Variants in CNTNAP4 observed in about 807,000 individuals in gnomAD.
CNTNAP4 encodes the protein contactin-associated protein-like 4.
Under a neutral mutation model 148.4 loss-of-function variants are expected in CNTNAP4, and 98 were observed. The ratio of observed to expected loss-of-function variants is 0.66; its 90% confidence interval spans 0.56 to 0.78. The LOEUF (loss-of-function observed/expected upper bound fraction) is 0.78, where lower values mean the gene tolerates loss of function less well. CNTNAP4 is among the 30% of genes least tolerant of loss of function. The pLI is 0.00. For missense variants in CNTNAP4, 1,935 were observed against 1,565.6 expected (o/e 1.24, Z -3.98); for synonymous variants, 730 against 565.1 (o/e 1.29, Z -4.14).
chr16:76,403,358 G>T (rs142846610), intron 3 of CNTNAP4, among the ~76,000 whole-genome samples: 6,293 of 152,152 alleles, frequency 0.041, 459 homozygotes, highest in African/African-American at 0.15. Context: ...CTCCCAAAGG[G>T]CTGGGATTAC....
chr16:76,323,648 T>C (rs143909373), intron 2 of CNTNAP4, among the ~76,000 whole-genome samples: 34 of 152,312 alleles, frequency 2.2e-4, no homozygotes, highest in Non-Finnish European at 4.1e-4. Flanking sequence ...GGTTCCCTCT[T>C]GGCTTTCGAT....
At chr16:76,415,962 CAA>C (rs2078965363) in intron 3 of CNTNAP4, among the ~76,000 whole-genome samples, 1 of 146,970 alleles carries the variant, frequency 6.8e-6, no homozygotes, top group East Asian at 2.0e-4. Flanking sequence ...TTATTTTTGT[CAA>C]TTATTCATTC....
intron 19 of CNTNAP4, among the ~76,000 whole-genome samples, chr16:76,539,414 ATACT>A (rs1209025189): frequency 1.3e-5 from 2 of 152,176 alleles, no homozygotes; most frequent in Admixed American, 6.5e-5. Flanking sequence ...CATTTCAGAA[ATACT>A]TAATATTATT....
At chr16:76,312,699 G>A (rs1961264023) in intron 1 of CNTNAP4, among the ~76,000 whole-genome samples, 1 of 152,096 alleles carries the variant, frequency 6.6e-6, no homozygotes, top group Non-Finnish European at 1.5e-5. Flanking sequence ...TTATAGTCAT[G>A]GTATTCTTAC....
At chr16:76,356,793 A>G (rs765233098) in intron 3 of CNTNAP4, among the ~76,000 whole-genome samples, 4 of 152,122 alleles carry the variant, frequency 2.6e-5, no homozygotes, top group Non-Finnish European at 4.4e-5. Context: ...TTGAAACTTC[A>G]TAGAACTCCG....
intron 8 of CNTNAP4, among the ~76,000 whole-genome samples, chr16:76,453,523 G>A (rs1314954534): frequency 4.6e-5 from 7 of 152,048 alleles, no homozygotes; most frequent in African/African-American, 7.2e-5. Flanking sequence ...TATGTACAAT[G>A]GCATCCAAGC....
At chr16:76,386,762 A>T (rs918234869) in intron 3 of CNTNAP4, among the ~76,000 whole-genome samples, 3 of 152,120 alleles carry the variant, frequency 2.0e-5, no homozygotes, top group African/African-American at 4.8e-5. Flanking sequence ...GCATATTGGG[A>T]TTGTAGATGG....
intron 2 of CNTNAP4, among the ~76,000 whole-genome samples, chr16:76,323,200 G>C (rs1278070895): frequency 6.6e-6 from 1 of 151,956 alleles, no homozygotes; most frequent in African/African-American, 2.4e-5. Flanking sequence ...GTTTTTTAAT[G>C]TTTGTTATTA....
At chr16:76,440,736 G>C (rs915116526) in intron 4 of CNTNAP4, among the ~76,000 whole-genome samples, 1 of 152,138 alleles carries the variant, frequency 6.6e-6, no homozygotes, top group African/African-American at 2.4e-5. Context: ...GTAGAATGTT[G>C]AATGTTTATG....
intron 17 of CNTNAP4, among the ~76,000 whole-genome samples, chr16:76,533,718 T>A (rs1328075805): frequency 6.6e-6 from 1 of 152,006 alleles, no homozygotes; most frequent in Non-Finnish European, 1.5e-5. Context: ...GTAGGAGGAA[T>A]TAAACAAGAA....
intron 11 of CNTNAP4, 31 bp downstream of exon 11, chr16:76,476,076 C>G (rs753964570): frequency 1.4e-6 from 2 of 1,459,228 alleles, no homozygotes; most frequent in Non-Finnish European, 1.9e-6. Context: ...TTTTCTTGCC[C>G]CTGTGATGGT....
At chr16:76,434,327 G>T (rs2079733466) in intron 4 of CNTNAP4, among the ~76,000 whole-genome samples, 1 of 152,142 alleles carries the variant, frequency 6.6e-6, no homozygotes, top group African/African-American at 2.4e-5. Context: ...AAGGTATATT[G>T]CTGGCATTGC....
At chr16:76,291,959 G>A (rs12325100) in intron 1 of CNTNAP4, among the ~76,000 whole-genome samples, 22,068 of 152,002 alleles carry the variant, frequency 0.15, 2,829 homozygotes, top group African/African-American at 0.33. Flanking sequence ...GTAGCCTTTG[G>A]ATTTATCTTT....
At position 76,284,522 on chromosome 16, in the gene CNTNAP4, T is replaced by C. The variant is rs963787917; in HGVS notation, c.85+6775T>C. 3.3e-5 allele frequency among the ~76,000 whole-genome samples: 5 copies of C among 152,084 alleles called. No individual in the cohort carries two copies. In the East Asian group the frequency reaches 5.8e-4, roughly 18 times the overall value. On this transcript the variant is annotated intron_variant, in intron 1 of 23. Coordinates refer to ENST00000611870, the MANE Select transcript of CNTNAP4 (RefSeq NM_033401.5). ...AAGTAGTTTACCCAGAAGATTAACA[T>C]TGGAATTGGAAGGATTCAGGGTTTT...
At chr16:76,417,046 G>A (rs1161222472) in intron 3 of CNTNAP4, among the ~76,000 whole-genome samples, 2 of 151,038 alleles carry the variant, frequency 1.3e-5, no homozygotes, top group African/African-American at 2.4e-5. Context: ...TTTTTTATTA[G>A]TGTTAACGTG....
At chr16:76,499,388 C>G (rs1434100556) in intron 15 of CNTNAP4, among the ~76,000 whole-genome samples, 3 of 151,734 alleles carry the variant, frequency 2.0e-5, no homozygotes, top group East Asian at 3.9e-4. Context: ...GACTGTAGAC[C>G]TCAATATGAC....
chr16:76,465,991 A>G (rs569347885), intron 9 of CNTNAP4, among the ~76,000 whole-genome samples: 2 of 152,318 alleles, frequency 1.3e-5, no homozygotes, highest in African/African-American at 4.8e-5. Context: ...CAAGTAGAAA[A>G]CTAGTGTGGA....
chr16:76,419,816 G>A (rs12933045), intron 3 of CNTNAP4, among the ~76,000 whole-genome samples: 59,522 of 151,650 alleles, frequency 0.39, 11,871 homozygotes, highest in Middle Eastern at 0.48. Flanking sequence ...TCCTATTTGT[G>A]GTTTGCAGAT....
chr16:76,447,356 TTATATA>T (rs369902182), intron 4 of CNTNAP4, among the ~76,000 whole-genome samples: 1 of 147,466 alleles, frequency 6.8e-6, no homozygotes, highest in Admixed American at 6.8e-5. Context: ...ATATATGAAA[TTATATA>T]TATATATGAG....
Sources: allele counts gnomAD v4.1 joint callset (sites outside exome capture counted in the v4.1 genomes callset), GRCh38; gene constraint gnomAD v4.1.1; transcripts MANE v1.5; gene names NCBI Gene and HGNC (gene_info 2026-07-23, HGNC 2026-07-21).